DAB1: variants seen among roughly 807,000 people sequenced by gnomAD.
DAB1 encodes disabled homolog 1.
Under a neutral mutation model 64.6 loss-of-function variants are expected in DAB1, and 15 were observed. The observed-to-expected ratio is 0.23, with a 90% CI of 0.16 to 0.36. DAB1 has a LOEUF of 0.36. Ranked by LOEUF, DAB1 falls within the 10% of genes least tolerant of loss-of-function variation. The pLI is 1.00. For synonymous variants in DAB1, 235 were observed against 251.9 expected, an observed-to-expected ratio of 0.93 and a Z score of 0.64; for missense variants, 596 against 706.7, an observed-to-expected ratio of 0.84 and a Z score of 1.78.
intron 1 of DAB1, among the ~76,000 whole-genome samples, chr1:57,846,832 C>T (rs1653310978): frequency 6.6e-6 from 1 of 152,218 alleles, no homozygotes; most frequent in Admixed American, 6.5e-5. Context: ...CACACACACA[C>T]ACAGACACGC....
chr1:57,933,945 G>C (rs184516563), intron 5 of DAB1, among the ~76,000 whole-genome samples: 1 of 151,626 alleles, frequency 6.6e-6, no homozygotes, highest in Non-Finnish European at 1.5e-5. Context: ...GCCCAGGCTA[G>C]AGTGCAGTGG....
chr1:58,416,785 C>T (rs1045764172), intron 3 of DAB1, among the ~76,000 whole-genome samples: 3 of 152,076 alleles, frequency 2.0e-5, no homozygotes, highest in Non-Finnish European at 2.9e-5. Context: ...TCTTCCTCTG[C>T]TTATAAGGCC....
intron 14 of DAB1, 22 bp downstream of exon 14, chr1:57,010,658 G>A (rs1334767479): frequency 1.5e-6 from 2 of 1,337,836 alleles, no homozygotes; most frequent in African/African-American, 1.5e-5. Flanking sequence ...GGGTAAAGGA[G>A]ATAAAAAGGA....
At chr1:58,037,101 T>G (rs760951686) in intron 5 of DAB1, among the ~76,000 whole-genome samples, 3 of 152,130 alleles carry the variant, frequency 2.0e-5, no homozygotes, top group Non-Finnish European at 2.9e-5. Context: ...CGCTATCATT[T>G]TCCTGCACAC....
intron 7 of DAB1, among the ~76,000 whole-genome samples, chr1:57,581,242 A>G (rs1645308318): frequency 1.3e-5 from 2 of 152,378 alleles, no homozygotes; most frequent in Middle Eastern, 3.4e-3. Context: ...AATAAGAAAG[A>G]CATTAATAGA....
chr1:57,598,044 A>G (rs1645531467), intron 7 of DAB1, among the ~76,000 whole-genome samples: 1 of 152,130 alleles, frequency 6.6e-6, no homozygotes, highest in Non-Finnish European at 1.5e-5. Flanking sequence ...GTGCAGTGGC[A>G]CGATCTTGGC....
chr1:57,965,025 C>T (rs939585281), intron 5 of DAB1, among the ~76,000 whole-genome samples: 10 of 79,102 alleles, frequency 1.3e-4, no homozygotes, highest in African/African-American at 3.2e-4. Context: ...CTGAGAATTC[C>T]AATGTATGAA....
At chr1:57,023,437 GT>G in intron 11 of DAB1, 93 bp downstream of exon 11, 1 of 744,056 alleles carries the variant, frequency 1.3e-6, no homozygotes, top group Non-Finnish European at 2.4e-6. Flanking sequence ...GAACAGCAGT[GT>G]TTTATCATCA....
intron 4 of DAB1, among the ~76,000 whole-genome samples, chr1:58,191,232 GACTATA>G (rs1303511518): frequency 6.6e-6 from 1 of 152,136 alleles, no homozygotes; most frequent in Non-Finnish European, 1.5e-5. Flanking sequence ...CACTTACTAT[GACTATA>G]AACACATTTA....
chr1:57,468,261 G>T (rs1050303969), intron 7 of DAB1, among the ~76,000 whole-genome samples: 1 of 152,142 alleles, frequency 6.6e-6, no homozygotes, highest in Non-Finnish European at 1.5e-5. Context: ...TAGGGGTGGG[G>T]AACATGCATG....
At chr1:57,646,720 G>A (rs1646195655) in intron 7 of DAB1, among the ~76,000 whole-genome samples, 2 of 152,148 alleles carry the variant, frequency 1.3e-5, no homozygotes, top group South Asian at 4.1e-4. Flanking sequence ...CTGCACCCCA[G>A]CATGGGTGAC....
chr1:58,365,417 A>C (rs1375154125), intron 3 of DAB1, among the ~76,000 whole-genome samples: 1 of 152,216 alleles, frequency 6.6e-6, no homozygotes, highest in South Asian at 2.1e-4. Context: ...GCTCCACTTC[A>C]GATGCAAAGA....
At chr1:57,287,739 G>A (rs1672429492) in intron 2 of DAB1, among the ~76,000 whole-genome samples, 1 of 151,934 alleles carries the variant, frequency 6.6e-6, no homozygotes, top group Non-Finnish European at 1.5e-5. Flanking sequence ...TGAAGAACAA[G>A]AAATGAATTA....
chr1:58,420,473 G>A (rs1362791549), intron 3 of DAB1, among the ~76,000 whole-genome samples: 2 of 152,124 alleles, frequency 1.3e-5, no homozygotes, highest in East Asian at 3.9e-4. Context: ...CATGTATTTT[G>A]CATGAGTGTA....
At chr1:57,414,324 T>C (rs1684336054) in intron 1 of DAB1, among the ~76,000 whole-genome samples, 1 of 152,190 alleles carries the variant, frequency 6.6e-6, no homozygotes, top group Admixed American at 6.5e-5. Context: ...CCTTAATCAG[T>C]CAGTAGCCAC....
chr1:57,748,897 T>C (rs77654054), intron 6 of DAB1, among the ~76,000 whole-genome samples: 2 of 152,196 alleles, frequency 1.3e-5, no homozygotes, highest in African/African-American at 4.8e-5. Context: ...ATGCGTACGA[T>C]GAAAAGGGCA....
intron 1 of DAB1, among the ~76,000 whole-genome samples, chr1:57,388,608 GC>G (rs1204778424): frequency 1.3e-5 from 2 of 152,112 alleles, no homozygotes; most frequent in Non-Finnish European, 2.9e-5. Context: ...CAATTGGCCT[GC>G]TACCTTTTCT....
intron 7 of DAB1, among the ~76,000 whole-genome samples, chr1:57,565,171 C>T (rs926564140): frequency 6.6e-6 from 1 of 152,134 alleles, no homozygotes; most frequent in African/African-American, 2.4e-5. Flanking sequence ...TCCAGTGAAA[C>T]TAAGCTTCAT....
At chr1:57,635,885 G>A (rs1228779842) in intron 7 of DAB1, among the ~76,000 whole-genome samples, 3 of 151,824 alleles carry the variant, frequency 2.0e-5, no homozygotes, top group African/African-American at 7.3e-5. Flanking sequence ...CACGAGGTCA[G>A]GAGATCGAGA....
Sources: allele counts gnomAD v4.1 joint callset (sites outside exome capture counted in the v4.1 genomes callset), GRCh38; gene constraint gnomAD v4.1.1; transcripts MANE v1.5; gene names NCBI Gene and HGNC (gene_info 2026-07-23, HGNC 2026-07-21).